SPATA7: variants seen among roughly 807,000 people sequenced by gnomAD.
SPATA7 encodes spermatogenesis-associated protein 7.
Under a neutral mutation model 51.8 loss-of-function variants are expected in SPATA7, and 43 were observed. The ratio of observed to expected loss-of-function variants is 0.83; its 90% CI spans 0.65 to 1.07. The LOEUF (loss-of-function observed/expected upper bound fraction) is 1.07. Among genes scored for constraint, SPATA7 ranks in the 50% least tolerant of loss-of-function variants. The probability of loss-of-function intolerance (pLI) is 0.00; values close to 1 mark genes in which losing one functional copy is unlikely to be tolerated. For synonymous variants in SPATA7, 230 were observed against 252.8 expected (o/e 0.91, Z 0.86); for missense variants, 683 against 701.3 (o/e 0.97, Z 0.30).
chr14:88,437,984 T>C lies in SPATA7; in HGVS notation c.1362T>C (p.Asn454=). The change falls in exon 12 of 12, where the codon AAT becomes AAC. Residue 454 remains asparagine, a synonymous_variant. Coordinates refer to ENST00000393545, the MANE Select transcript of SPATA7 (RefSeq NM_018418.5). ...ATTCAGAACCAAATGAATTAAAAAA[T>C]GAAAGTGAAGTAACAATTCAGCAGG... ...AGNSEPNELK[N]ESEVTIQQER... 1.2e-6 allele frequency: 2 copies of C among 1,613,920 alleles called. No individual in the cohort carries two copies. The highest frequency in any genetic ancestry group is 1.7e-5 in the Admixed American group (1 of 59,970).
intron 4 of SPATA7, among the ~76,000 whole-genome samples, chr14:88,463,800 C>G (rs966268437): frequency 6.6e-6 from 1 of 152,122 alleles, no homozygotes; most frequent in Admixed American, 6.6e-5. Context: ...CCCAAGTAGA[C>G]ATGCAAACTT....
chr14:88,415,493 GT>G (rs1001085163), intron 4 of SPATA7, among the ~76,000 whole-genome samples: 13 of 147,990 alleles, frequency 8.8e-5, no homozygotes, highest in African/African-American at 2.5e-4. Flanking sequence ...CTTGTTTTTT[GT>G]TTTTTTTTAA....
chr14:88,403,738 G>C (rs2076132405), intron 4 of SPATA7, among the ~76,000 whole-genome samples: 2 of 152,162 alleles, frequency 1.3e-5, no homozygotes, highest in South Asian at 4.2e-4. Flanking sequence ...AGTTGCCAGG[G>C]GCTACAGGAA....
intron 4 of SPATA7, among the ~76,000 whole-genome samples, chr14:88,402,333 A>G (rs1015405495): frequency 1.4e-5 from 2 of 143,640 alleles, no homozygotes; most frequent in Non-Finnish European, 3.2e-5. Context: ...GACCACAAAT[A>G]AAACAATCTT....
chr14:88,408,723 A>T (rs1382415076), intron 4 of SPATA7, among the ~76,000 whole-genome samples: 2 of 150,076 alleles, frequency 1.3e-5, no homozygotes, highest in Non-Finnish European at 2.9e-5. Flanking sequence ...TTGTCCATTC[A>T]GTATGATATT....
At chr14:88,392,094 T>C (rs2075761044) in intron 2 of SPATA7, among the ~76,000 whole-genome samples, 1 of 152,212 alleles carries the variant, frequency 6.6e-6, no homozygotes, top group African/African-American at 2.4e-5. Context: ...GTTGCCTCAC[T>C]TATTTCTTTG....
At chr14:88,465,049 G>A (rs1304581933) in intron 4 of SPATA7, among the ~76,000 whole-genome samples, 4 of 152,116 alleles carry the variant, frequency 2.6e-5, no homozygotes, top group Admixed American at 2.6e-4. Context: ...GGAAGCACAG[G>A]CCCAGCTTCT....
chr14:88,412,066 G>C (rs2076355578), intron 4 of SPATA7, among the ~76,000 whole-genome samples: 1 of 152,144 alleles, frequency 6.6e-6, no homozygotes, highest in Admixed American at 6.5e-5. Context: ...ATTCTGGCTG[G>C]TATGAAATAG....
chr14:88,385,759 C>T lies in SPATA7; in HGVS notation c.-60C>T. ...CCTCCACTGCCGGGGCTGGGCCCGG[C>T]CGCGGGAAGGACCGAAGGGGATACA... is the stretch of plus-strand genomic sequence containing the variant. On this transcript the variant is annotated 5_prime_UTR_variant, in exon 1 of 12. Coordinates refer to ENST00000393545, the MANE Select transcript of SPATA7 (RefSeq NM_018418.5). 1 of 1,539,982 alleles carries T rather than the reference C, an allele frequency of 6.5e-7. No homozygotes were observed. The highest frequency in any genetic ancestry group is 8.9e-7 in the Non-Finnish European group (1 of 1,125,308).
chr14:88,432,981 A>T (rs943958042), intron 9 of SPATA7, 154 bp from the exon 10 acceptor site: 1 of 619,718 alleles, frequency 1.6e-6, no homozygotes, highest in Non-Finnish European at 2.8e-6. Context: ...GAAGGTAGAC[A>T]TGTTTGTTTT....
chr14:88,449,105 G>C (rs942757691), intron 3 of SPATA7, among the ~76,000 whole-genome samples: 2 of 151,820 alleles, frequency 1.3e-5, no homozygotes, highest in Non-Finnish European at 1.5e-5. Flanking sequence ...ACTTCTGCTG[G>C]GTTTGGGTTT....
At chr14:88,432,099 TAAA>T (rs1036354280) in intron 9 of SPATA7, among the ~76,000 whole-genome samples, 5 of 152,240 alleles carry the variant, frequency 3.3e-5, no homozygotes, top group African/African-American at 9.6e-5. Flanking sequence ...AATAAAATAA[TAAA>T]GAAGAGTTTT....
chr14:88,454,656 A>C (rs1484823414), intron 3 of SPATA7, among the ~76,000 whole-genome samples: 1 of 152,002 alleles, frequency 6.6e-6, no homozygotes, highest in East Asian at 1.9e-4. Context: ...ACACACACAA[A>C]AATTAGCTGG....
At chr14:88,432,641 A>C (rs927715272) in intron 9 of SPATA7, 1 of 152,318 alleles carries the variant, frequency 6.6e-6, no homozygotes, top group African/African-American at 2.4e-5. Flanking sequence ...CAACCTTAAA[A>C]CAAGATGCTG....
Position 88,431,278 on chromosome 14 carries a change from T to G in SPATA7, c.1082+53T>G, listed in dbSNP as rs534836613. 2.9e-5 allele frequency: 44 copies of G among 1,496,090 alleles called. No homozygotes were observed. In the African/African-American group the frequency reaches 5.8e-4, roughly 20 times the overall value. The allele number at this position is 1,496,090 out of a possible 1,614,324, so 92.7% of individuals were successfully genotyped here. ...GCATAGTGGAATCAAGGATTAAGAA[T>G]CAAAGAAACCATATTAAATAAGTCA... is the stretch of plus-strand genomic sequence containing the variant. On this transcript the variant is annotated intron_variant, in intron 9 of 11. Coordinates refer to ENST00000393545, the MANE Select transcript of SPATA7 (RefSeq NM_018418.5).
At chr14:88,459,825 T>C (rs2077305873), downstream of SPATA7, among the ~76,000 whole-genome samples, 1 of 152,208 alleles carries the variant, frequency 6.6e-6, no homozygotes, top group African/African-American at 2.4e-5. Context: ...GTCTTTACAT[T>C]TTGGCATGTT....
chr14:88,413,658 T>C (rs1292754638), intron 4 of SPATA7, among the ~76,000 whole-genome samples: 1 of 152,146 alleles, frequency 6.6e-6, no homozygotes, highest in Non-Finnish European at 1.5e-5. Flanking sequence ...TTTTGCTCAT[T>C]CAGTATGATG....
chr14:88,431,995 A>G (rs898821216), intron 9 of SPATA7, among the ~76,000 whole-genome samples: 2 of 152,142 alleles, frequency 1.3e-5, no homozygotes, highest in African/African-American at 4.8e-5. Context: ...CAATCACGTC[A>G]TTTTTATCTC....
chr14:88,461,301 C>A (rs2077316064), intron 4 of SPATA7, among the ~76,000 whole-genome samples: 1 of 152,206 alleles, frequency 6.6e-6, no homozygotes, highest in Non-Finnish European at 1.5e-5. Flanking sequence ...TGACCTGCCC[C>A]CAGAGGTGGA....
Sources: allele counts gnomAD v4.1 joint callset (sites outside exome capture counted in the v4.1 genomes callset), GRCh38; gene constraint gnomAD v4.1.1; transcripts MANE v1.5; gene names NCBI Gene and HGNC (gene_info 2026-07-23, HGNC 2026-07-21).